DST: variants seen among roughly 807,000 people sequenced by gnomAD.
DST encodes dystonin, also known as bullous pemphigoid antigen.
In DST, 253 loss-of-function variants were observed where a neutral mutation model predicts 875.2. The observed-to-expected ratio is 0.29, with a 90% confidence interval of 0.26 to 0.32. DST has a LOEUF of 0.32. DST is among the 10% of genes least tolerant of loss of function. The pLI is 1.00. For synonymous variants in DST, 3,124 were observed against 3,197.1 expected (o/e 0.98, Z 0.77); for missense variants, 8,287 against 9,111.6 (o/e 0.91, Z 3.68).
In DST at chr6:56,477,413, T is replaced by C. The variant is rs752769638; in HGVS notation, c.21607A>G (p.Ile7203Val). Reference sequence around the variant, plus strand: ...GTAGTGATGGAGTCGGGGTGGCAGATAGCCAAAACGGTGTCGCCCATAGTG... The same window carrying C: ...GTAGTGATGGAGTCGGGGTGGCAGACAGCCAAAACGGTGTCGCCCATAGTG... ...ATTMGDTVLA[I>V]CHPDSITTIK... The change falls in exon 91 of 104, where the codon ATC becomes GTC. Residue 7203 changes from isoleucine to valine, a missense_variant. Around this residue, in one of 10 missense-constraint regions of DST, gnomAD observed 1,292 missense variants for 1,552.7 expected, o/e 0.83. Coordinates refer to ENST00000680361, the MANE Select transcript of DST (RefSeq NM_001374736.1). The C allele has an allele frequency of 2.5e-6, 4 of 1,614,030 alleles. No individual in the cohort carries two copies. Among genetic ancestry groups the C allele is most frequent in the Non-Finnish European group, 1.7e-6 (2 of 1,179,892 alleles).
chr6:56,867,562 C>G (rs1170130333), intron 3 of DST, among the ~76,000 whole-genome samples: 2 of 152,200 alleles, frequency 1.3e-5, no homozygotes, highest in African/African-American at 4.8e-5. Flanking sequence ...AGGCTCATGC[C>G]TGTAATCCCA....
chr6:56,711,983 C>A (rs34255101), intron 5 of DST, among the ~76,000 whole-genome samples: 8 of 147,128 alleles, frequency 5.4e-5, no homozygotes, highest in Admixed American at 4.1e-4. Context: ...CCCAGCTACT[C>A]GGGAGGCTGA....
At chr6:56,585,154 G>C (rs1399485426) in intron 49 of DST, among the ~76,000 whole-genome samples, 1 of 152,184 alleles carries the variant, frequency 6.6e-6, no homozygotes, top group Non-Finnish European at 1.5e-5. Flanking sequence ...GATTGGACTA[G>C]TTTCAGAAGG....
intron 10 of DST, among the ~76,000 whole-genome samples, chr6:56,664,172 C>T (rs1425262285): frequency 6.6e-6 from 1 of 152,188 alleles, no homozygotes; most frequent in Non-Finnish European, 1.5e-5. Flanking sequence ...CTGCACTGTT[C>T]TCTCTGGCCT....
intron 4 of DST, among the ~76,000 whole-genome samples, chr6:56,808,287 GCTA>G (rs1340596494): frequency 6.6e-6 from 1 of 151,522 alleles, no homozygotes; most frequent in Non-Finnish European, 1.5e-5. Context: ...TGTCCGTGCT[GCTA>G]CTTTTTTCTC....
chr6:56,933,041 C>T (rs1480517468), intron 2 of DST, among the ~76,000 whole-genome samples: 1 of 151,738 alleles, frequency 6.6e-6, no homozygotes, highest in Non-Finnish European at 1.5e-5. Context: ...AAACCCAGAC[C>T]CCCACCGAAC....
Position 56,494,143 on chromosome 6 carries a change from T to C in DST, c.20261A>G (p.Tyr6754Cys), listed in dbSNP as rs373890048. ...CTGGCCTTTCTGCATCAGACTCTTA[T>C]ATGTTTCTTCTTTAGCTTCAAAGGC... ...CAAFEAKEET[Y>C]KSLMQKGQQM... The change falls in exon 83 of 104, where the codon TAT becomes TGT. Residue 6754 changes from tyrosine to cysteine, a missense_variant. This residue lies in a region of DST where 1,292 missense variants were observed against 1,552.7 expected (regional missense o/e 0.83). Coordinates refer to ENST00000680361, the MANE Select transcript of DST (RefSeq NM_001374736.1). 6.8e-6 allele frequency: 11 copies of C among 1,608,666 alleles called. No homozygotes were observed. The highest frequency in any genetic ancestry group is 4.0e-5 in the African/African-American group (3 of 74,992).
intron 4 of DST, among the ~76,000 whole-genome samples, chr6:56,757,996 T>C (rs1295226251): frequency 6.6e-6 from 1 of 152,182 alleles, no homozygotes; most frequent in Non-Finnish European, 1.5e-5. Context: ...AACCTACTAC[T>C]AAGAGCTCTT....
intron 10 of DST, among the ~76,000 whole-genome samples, chr6:56,668,173 G>A (rs767155063): frequency 6.6e-6 from 1 of 152,062 alleles, no homozygotes; most frequent in African/African-American, 2.4e-5. Flanking sequence ...TTAATTAAAG[G>A]CCACAAAGAT....
intron 4 of DST, among the ~76,000 whole-genome samples, chr6:56,797,581 T>C (rs1173145493): frequency 6.6e-6 from 1 of 151,852 alleles, no homozygotes; most frequent in Non-Finnish European, 1.5e-5. Flanking sequence ...CACCTATAAT[T>C]CCAGCACTTT....
At chr6:56,574,650 A>G (rs2152621607) in intron 50 of DST, among the ~76,000 whole-genome samples, 1 of 152,270 alleles carries the variant, frequency 6.6e-6, no homozygotes, top group African/African-American at 2.4e-5. Context: ...GATGCTAAAA[A>G]AAAAAACCCT....
rs1226120405 is a variant in DST at position 56,532,403 on chromosome 6, C to T, written c.17049G>A (p.Leu5683=). The T allele has an allele frequency of 6.2e-7, 1 of 1,613,576 alleles. No individual in the cohort carries two copies. The highest frequency in any genetic ancestry group is 1.7e-5 in the Admixed American group (1 of 59,994). Residue 5683 remains leucine (L), a synonymous_variant, in exon 64 of 104, where the codon TTG becomes TTA. Transcript: ENST00000680361. ...TGCTATCCAAGAGACTGAGCTGTTT[C>T]AAAATCTTCACTTTATCTGCGGGCT... ...TAEPADKVKI[L]KQLSLLDSRW...
At position 56,646,117 on chromosome 6, in the gene DST, T is replaced by G. The variant is rs1427312743; in HGVS notation, c.1620A>C (p.Ser540=). The G allele has an allele frequency of 5.2e-6, 8 of 1,543,808 alleles. No homozygotes were observed. The highest frequency in any genetic ancestry group is 7.0e-6 in the Non-Finnish European group (8 of 1,136,048). Reference sequence around the variant, plus strand: ...ATAATTTATATAGACGTTTAATTTTTGATTTTTCTGTCTCCTTTGGTGGAA... The same window carrying G: ...ATAATTTATATAGACGTTTAATTTTGGATTTTTCTGTCTCCTTTGGTGGAA... ...TEIPPKETEK[S]KIKRLYKLLE... is the part of the protein sequence containing the mutation. The change falls in exon 14 of 104, where the codon TCA becomes TCC. Residue 540 remains serine (S), a synonymous_variant. Transcript: ENST00000680361.
At chr6:56,926,603 A>C (rs1218351118) in intron 2 of DST, among the ~76,000 whole-genome samples, 1 of 152,204 alleles carries the variant, frequency 6.6e-6, no homozygotes, top group African/African-American at 2.4e-5. Flanking sequence ...GAAGGCACTG[A>C]AAAGAAATGA....
At position 56,900,295 on chromosome 6, in the gene DST, C is replaced by T. The variant is rs1793481044; in HGVS notation, c.417+126G>A. On this transcript the variant is annotated intron_variant, in intron 3 of 103. Transcript: ENST00000680361. ...GCTGAAACTCATATGAGTACGCTGCCACTTGTTGGGAATAACAACAACCTA... is the reference window on the plus strand; with the variant it reads ...GCTGAAACTCATATGAGTACGCTGCTACTTGTTGGGAATAACAACAACCTA... The T allele has an allele frequency of 2.7e-5, 20 of 744,062 alleles. No individual in the cohort carries two copies. The South Asian group carries it at 3.1e-4, about 12-fold the overall frequency. The allele number at this position is 744,062 out of a possible 1,614,324, so 46.1% of individuals were successfully genotyped here.
chr6:56,686,790 T>A (rs1394834604), intron 9 of DST, among the ~76,000 whole-genome samples: 2 of 152,190 alleles, frequency 1.3e-5, no homozygotes, highest in African/African-American at 4.8e-5. Flanking sequence ...TCTTTCTACT[T>A]AAAGGATGAT....
intron 2 of DST, among the ~76,000 whole-genome samples, chr6:56,923,365 T>C (rs1019364858): frequency 6.7e-6 from 1 of 149,836 alleles, no homozygotes; most frequent in Non-Finnish European, 1.5e-5. Context: ...TTCCTTAGCT[T>C]AGACAGAGAC....
chr6:56,796,172 T>C (rs1197659053), intron 4 of DST, among the ~76,000 whole-genome samples: 1 of 152,234 alleles, frequency 6.6e-6, no homozygotes, highest in African/African-American at 2.4e-5. Flanking sequence ...TGTGTCTGAA[T>C]GTTTGGAGAA....
At position 56,553,299 on chromosome 6, in the gene DST, A is replaced by G. The variant is rs2097350399; in HGVS notation, c.15493T>C (p.Leu5165=). ...TCTTTATACTTAAGGGCTTTTTCCA[A>G]TGACTCTTTTAACTTGTTTTCTCTT... ...KERENKLKES[L]EKALKYKEQV... The change falls in exon 61 of 104, where the codon TTG becomes CTG. Residue 5165 remains leucine, a synonymous_variant. Transcript: ENST00000680361. 6.2e-7 allele frequency: 1 copy of G among 1,613,458 alleles called. No homozygotes were observed.
Sources: allele counts gnomAD v4.1 joint callset (sites outside exome capture counted in the v4.1 genomes callset), GRCh38; gene constraint gnomAD v4.1.1; regional missense constraint gnomAD v4.1.1; transcripts MANE v1.5; gene names NCBI Gene and HGNC (gene_info 2026-07-23, HGNC 2026-07-21).